SAMSN1: variants seen among roughly 807,000 people sequenced by gnomAD.
The protein encoded by SAMSN1 is SAM domain-containing protein SAMSN-1.
SAMSN1 carries 31 observed loss-of-function variants against 42.0 expected under a neutral mutation model. That is an observed-to-expected ratio of 0.74 (90% CI 0.55 to 1.00). The LOEUF (loss-of-function observed/expected upper bound fraction) is 1.00, where lower values mean the gene tolerates loss of function less well. SAMSN1 is among the 50% of genes least tolerant of loss of function. The pLI, the probability that SAMSN1 is intolerant of heterozygous loss-of-function variation, is 0.00. For synonymous variants in SAMSN1, 178 were observed against 151.9 expected (o/e 1.17, Z -1.26); for missense variants, 464 against 439.4 (o/e 1.06, Z -0.50).
chr21:14,596,759 G>T (rs1982276950), intron 6 of SAMSN1, among the ~76,000 whole-genome samples: 1 of 152,094 alleles, frequency 6.6e-6, no homozygotes, highest in South Asian at 2.1e-4. Flanking sequence ...GAGGGAGTTA[G>T]AAACAAACCT....
At chr21:14,576,643 A>T (rs1279777859) in intron 2 of SAMSN1, among the ~76,000 whole-genome samples, 1 of 143,928 alleles carries the variant, frequency 6.9e-6, no homozygotes, top group Non-Finnish European at 1.5e-5. Context: ...ACAGTTGCGT[A>T]AAGAATTTTT....
At chr21:14,563,602 TGTG>T (rs1167991372) in intron 2 of SAMSN1, among the ~76,000 whole-genome samples, 1 of 152,170 alleles carries the variant, frequency 6.6e-6, no homozygotes, top group Non-Finnish European at 1.5e-5. Flanking sequence ...TGTCTCTACT[TGTG>T]GTACAAATGT....
At chr21:14,586,664 G>A (rs890066634), upstream of SAMSN1, among the ~76,000 whole-genome samples, 2 of 152,150 alleles carry the variant, frequency 1.3e-5, no homozygotes, top group African/African-American at 4.8e-5. Flanking sequence ...ATAATTAACA[G>A]GGTGATTAGT....
chr21:14,592,145 C>T (rs1982104343), intron 7 of SAMSN1: 3 of 152,170 alleles, frequency 2.0e-5, no homozygotes, highest in Admixed American at 2.0e-4. Context: ...ATCTTTCTTA[C>T]TTCCTGCGTA....
At chr21:14,568,029 A>G (rs1222159215) in intron 2 of SAMSN1, among the ~76,000 whole-genome samples, 1 of 152,152 alleles carries the variant, frequency 6.6e-6, no homozygotes, top group East Asian at 1.9e-4. Context: ...ATAAAATATC[A>G]CCTAAGCAGC....
rs531063608 is a variant in SAMSN1 at position 14,599,342 on chromosome 21, GC to G, written c.399+2680del. ...GATCTGATGGTTTTATAAGCATCTGGCATTGCCCTTGCTTGCACTCACTTCA... is the reference window on the plus strand; with the variant it reads ...GATCTGATGGTTTTATAAGCATCTGGATTGCCCTTGCTTGCACTCACTTCA... On this transcript the variant is annotated intron_variant, in intron 6 of 15. Transcript: ENST00000647101. Among the ~76,000 whole-genome samples the G allele has an allele frequency of 1.5e-3, 228 of 152,204 alleles. 3 individuals carry two copies. Among genetic ancestry groups the G allele is most frequent in the Admixed American group, 0.014 (208 of 15,276 alleles).
At chr21:14,584,253 C>A (rs1455079758), upstream of SAMSN1, among the ~76,000 whole-genome samples, 1 of 152,078 alleles carries the variant, frequency 6.6e-6, no homozygotes, top group Non-Finnish European at 1.5e-5. Flanking sequence ...TGTGGACAAA[C>A]AACATTTGTT....
intron 5 of SAMSN1, chr21:14,609,401 G>C: frequency 1.4e-6 from 1 of 705,776 alleles, no homozygotes; most frequent in Non-Finnish European, 2.6e-6. Flanking sequence ...TTTTCATGGT[G>C]GAAGATGTGA....
At chr21:14,636,504 T>C (rs113508737) in intron 2 of SAMSN1, among the ~76,000 whole-genome samples, 1 of 152,164 alleles carries the variant, frequency 6.6e-6, no homozygotes, top group Admixed American at 6.5e-5. Context: ...ACTAATCTCA[T>C]CTTCCTCATT....
At chr21:14,586,262 C>CAAA (rs67482796), upstream of SAMSN1, among the ~76,000 whole-genome samples, 176 of 50,300 alleles carry the variant, frequency 3.5e-3, 1 homozygote, top group Middle Eastern at 0.015. Flanking sequence ...GACTCCATCT[C>CAAA]AAAAAAAAAA....
At chr21:14,626,437 G>A (rs1289912977) in intron 2 of SAMSN1, among the ~76,000 whole-genome samples, 1 of 151,902 alleles carries the variant, frequency 6.6e-6, no homozygotes, top group Non-Finnish European at 1.5e-5. Flanking sequence ...TTACAAGAAA[G>A]AAACAAACAA....
chr21:14,525,663 A>G (rs755434530), intron 1 of SAMSN1, among the ~76,000 whole-genome samples: 21 of 152,158 alleles, frequency 1.4e-4, no homozygotes, highest in Non-Finnish European at 2.2e-4. Context: ...AGGAGCAGCA[A>G]ATGTGCGGCT....
At chr21:14,498,264 T>C (rs769603162) in intron 7 of SAMSN1, among the ~76,000 whole-genome samples, 178 bp downstream of exon 7, 2 of 152,262 alleles carry the variant, frequency 1.3e-5, no homozygotes, top group Non-Finnish European at 2.9e-5. Flanking sequence ...AAGTTCCTTT[T>C]CCTAATTACA....
upstream of SAMSN1, among the ~76,000 whole-genome samples, chr21:14,588,081 A>AT (rs1981977348): frequency 7.2e-6 from 1 of 139,338 alleles, no homozygotes; most frequent in Non-Finnish European, 1.5e-5. Flanking sequence ...TGAACTCATC[A>AT]TTTTTTATGG....
intron 2 of SAMSN1, among the ~76,000 whole-genome samples, chr21:14,579,277 C>G (rs1981618133): frequency 6.6e-6 from 1 of 152,176 alleles, no homozygotes; most frequent in African/African-American, 2.4e-5. Context: ...ATCTGAAATT[C>G]TGAGCATTCT....
chr21:14,504,211 A>T (rs1218119972), intron 5 of SAMSN1, among the ~76,000 whole-genome samples: 1 of 152,164 alleles, frequency 6.6e-6, no homozygotes, highest in Non-Finnish European at 1.5e-5. Flanking sequence ...ACACCATCAA[A>T]AAAATCACAC....
chr21:14,584,172 G>C (rs1981849277), upstream of SAMSN1, among the ~76,000 whole-genome samples: 1 of 152,106 alleles, frequency 6.6e-6, no homozygotes, highest in South Asian at 2.1e-4. Flanking sequence ...TAGACTGATA[G>C]TATACAAAGT....
intron 7 of SAMSN1, among the ~76,000 whole-genome samples, chr21:14,489,547 C>G (rs950192003): frequency 6.6e-6 from 1 of 152,006 alleles, no homozygotes; most frequent in Non-Finnish European, 1.5e-5. Context: ...AAAGGACATA[C>G]GTATCTAAAT....
At chr21:14,580,223 C>G (rs957706864) in intron 2 of SAMSN1, among the ~76,000 whole-genome samples, 3 of 152,158 alleles carry the variant, frequency 2.0e-5, no homozygotes, top group African/African-American at 7.2e-5. Context: ...GTGAGACAGC[C>G]TTTAGGAATA....
Sources: gnomAD v4.1 joint callset for allele counts (sites outside exome capture counted in the v4.1 genomes callset) on GRCh38, gnomAD v4.1.1 for gene constraint, MANE v1.5 for transcripts, NCBI Gene and HGNC (gene_info 2026-07-23, HGNC 2026-07-21) for gene names.